Variants in NRXN1 observed in about 807,000 individuals in gnomAD.
NRXN1 encodes the protein neurexin 1, also known as neurexin-1.
In NRXN1, 39 loss-of-function variants were observed where a neutral mutation model predicts 150.9. The ratio of observed to expected loss-of-function variants is 0.26; its 90% CI spans 0.20 to 0.34. The LOEUF is 0.34. NRXN1 is among the 10% of genes least tolerant of loss of function. NRXN1 has a pLI of 1.00. For missense variants in NRXN1, 1,815 were observed against 1,949.9 expected, an observed-to-expected ratio of 0.93 and a Z score of 1.30; for synonymous variants, 924 against 757.0, an observed-to-expected ratio of 1.22 and a Z score of -3.62.
chr2:50,982,683 A>G (rs1306498869), intron 2 of NRXN1, among the ~76,000 whole-genome samples: 1 of 152,116 alleles, frequency 6.6e-6, no homozygotes, highest in Admixed American at 6.6e-5. Context: ...CACCTTAAAA[A>G]GCTTGCTGTT....
At chr2:51,030,879 CTT>C (rs61452371) in intron 1 of NRXN1, among the ~76,000 whole-genome samples, 5 of 147,016 alleles carry the variant, frequency 3.4e-5, no homozygotes, top group African/African-American at 1.2e-4. Context: ...GTTAGAAAAC[CTT>C]TTTTTTTTTC....
At chr2:50,772,828 C>T (rs1189446237) in intron 5 of NRXN1, among the ~76,000 whole-genome samples, 2 of 151,944 alleles carry the variant, frequency 1.3e-5, no homozygotes, top group South Asian at 2.1e-4. Context: ...TTCTGTAGGA[C>T]GTATTTGCAC....
At chr2:50,783,491 T>A (rs1704630207) in intron 5 of NRXN1, among the ~76,000 whole-genome samples, 1 of 152,096 alleles carries the variant, frequency 6.6e-6, no homozygotes, top group African/African-American at 2.4e-5. Context: ...TAAAACAAAA[T>A]CATAGATCAG....
At chr2:50,656,017 A>C (rs1686403058) in intron 5 of NRXN1, among the ~76,000 whole-genome samples, 2 of 152,018 alleles carry the variant, frequency 1.3e-5, no homozygotes, top group Non-Finnish European at 2.9e-5. Flanking sequence ...CTTAGGTAAA[A>C]TCATTACAAA....
intron 5 of NRXN1, among the ~76,000 whole-genome samples, chr2:50,694,978 G>C (rs1042664057): frequency 8.5e-5 from 13 of 152,106 alleles, no homozygotes; most frequent in Non-Finnish European, 1.8e-4. Context: ...TCACCTCCAT[G>C]CAAATTGATC....
intron 8 of NRXN1, among the ~76,000 whole-genome samples, chr2:50,577,166 A>C (rs1671557296): frequency 6.6e-6 from 1 of 152,134 alleles, no homozygotes; most frequent in Non-Finnish European, 1.5e-5. Context: ...AAATCAATGA[A>C]TAAGTAATGT....
chr2:50,279,497 G>T (rs1035931039), intron 17 of NRXN1, among the ~76,000 whole-genome samples: 2 of 151,956 alleles, frequency 1.3e-5, no homozygotes, highest in Non-Finnish European at 2.9e-5. Context: ...AACTTTTTTG[G>T]TTGTCTGCCC....
chr2:50,313,640 G>A (rs879660874), intron 17 of NRXN1, among the ~76,000 whole-genome samples: 2 of 152,184 alleles, frequency 1.3e-5, no homozygotes, highest in South Asian at 2.1e-4. Context: ...ACACCATACC[G>A]CTACTTCTCT....
intron 18 of NRXN1, among the ~76,000 whole-genome samples, chr2:50,121,921 A>T (rs138632975): frequency 6.6e-6 from 1 of 152,244 alleles, no homozygotes; most frequent in Admixed American, 6.5e-5. Context: ...TACAACCGCA[A>T]GGGAGAAGGA....
intron 18 of NRXN1, among the ~76,000 whole-genome samples, chr2:50,170,139 T>C (rs1465483029): frequency 1.3e-5 from 2 of 149,750 alleles, no homozygotes; most frequent in South Asian, 2.1e-4. Flanking sequence ...TTATAGATAA[T>C]ATCACACACA....
chr2:50,145,280 C>T (rs1460668021), intron 18 of NRXN1, among the ~76,000 whole-genome samples: 3 of 145,838 alleles, frequency 2.1e-5, no homozygotes, highest in Non-Finnish European at 4.6e-5. Flanking sequence ...TAATTTTTTT[C>T]TCTCTCTGTC....
intron 17 of NRXN1, chr2:50,312,640 G>A (rs1164866811): frequency 2.1e-6 from 1 of 465,366 alleles, no homozygotes; most frequent in Non-Finnish European, 4.3e-6. Context: ...CCTGAGGTAT[G>A]TTTTGGAAGT....
At chr2:50,129,913 T>A (rs1287144202) in intron 18 of NRXN1, among the ~76,000 whole-genome samples, 1 of 152,212 alleles carries the variant, frequency 6.6e-6, no homozygotes, top group Non-Finnish European at 1.5e-5. Flanking sequence ...GAAAGTTAAG[T>A]GAAGCTAAAT....
chr2:50,719,411 T>G (rs1696320519), intron 5 of NRXN1, among the ~76,000 whole-genome samples: 1 of 152,076 alleles, frequency 6.6e-6, no homozygotes, highest in Admixed American at 6.6e-5. Context: ...CGGTGGCTCA[T>G]GGAACCTGTA....
chr2:51,027,002 C>T (rs1670596529), intron 2 of NRXN1, among the ~76,000 whole-genome samples: 1 of 152,170 alleles, frequency 6.6e-6, no homozygotes, highest in African/African-American at 2.4e-5. Flanking sequence ...CACGAGTGAC[C>T]AGAACCACGT....
chr2:50,666,744 T>A (rs12612961), intron 5 of NRXN1, among the ~76,000 whole-genome samples: 1 of 151,862 alleles, frequency 6.6e-6, no homozygotes, highest in African/African-American at 2.4e-5. Context: ...AAATACCAAT[T>A]GTAATTGTTA....
At chr2:50,724,659 T>A (rs528264633) in intron 5 of NRXN1, among the ~76,000 whole-genome samples, 2 of 151,994 alleles carry the variant, frequency 1.3e-5, no homozygotes, top group Non-Finnish European at 2.9e-5. Flanking sequence ...TTATATATAA[T>A]ATACAAAAAA....
At chr2:50,257,589 T>C (rs942725651) in intron 17 of NRXN1, among the ~76,000 whole-genome samples, 1 of 152,062 alleles carries the variant, frequency 6.6e-6, no homozygotes, top group Admixed American at 6.6e-5. Flanking sequence ...GTGCTCTGTC[T>C]ACCAGTATCT....
At chr2:50,099,544 AT>A (rs1700721643) in intron 18 of NRXN1, among the ~76,000 whole-genome samples, 1 of 152,142 alleles carries the variant, frequency 6.6e-6, no homozygotes, top group South Asian at 2.1e-4. Context: ...TTCTTAGCAC[AT>A]TTAATGGCTA....
Sources: gnomAD v4.1 joint callset for allele counts (sites outside exome capture counted in the v4.1 genomes callset) on GRCh38, gnomAD v4.1.1 for gene constraint, MANE v1.5 for transcripts, NCBI Gene and HGNC (gene_info 2026-07-23, HGNC 2026-07-21) for gene names.